SORBS2: variants seen among roughly 807,000 people sequenced by gnomAD.
The protein encoded by SORBS2 is sorbin and SH3 domain-containing protein 2.
SORBS2 carries 46 observed loss-of-function variants against 97.7 expected under a neutral mutation model. That is an observed-to-expected ratio of 0.47 (90% CI 0.37 to 0.60). The LOEUF is 0.60. SORBS2 is among the 20% of genes least tolerant of loss of function. The pLI, the probability that SORBS2 is intolerant of heterozygous loss-of-function variation, is 0.00. For missense variants in SORBS2, 1,316 were observed against 1,282.3 expected, an observed-to-expected ratio of 1.03 and a Z score of -0.40; for synonymous variants, 476 against 473.4, an observed-to-expected ratio of 1.01 and a Z score of -0.07.
chr4:185,780,509 C>T (rs1302725212), intron 1 of SORBS2, among the ~76,000 whole-genome samples: 3 of 152,128 alleles, frequency 2.0e-5, no homozygotes, highest in Non-Finnish European at 2.9e-5. Flanking sequence ...AAAGCCCATA[C>T]ATTGAGTGAC....
chr4:185,818,335 G>A (rs2099194576), intron 1 of SORBS2, among the ~76,000 whole-genome samples: 1 of 151,954 alleles, frequency 6.6e-6, no homozygotes, highest in African/African-American at 2.4e-5. Context: ...GATTACAGGT[G>A]TCCGCCACCA....
At chr4:185,939,423 G>T (rs1413122452) in intron 1 of SORBS2, among the ~76,000 whole-genome samples, 2 of 152,010 alleles carry the variant, frequency 1.3e-5, no homozygotes, top group African/African-American at 2.4e-5. Context: ...GTGTTCTTTG[G>T]CCCACGTCCC....
At chr4:185,774,346 A>G (rs2153628315) in intron 2 of SORBS2, 1 of 152,310 alleles carries the variant, frequency 6.6e-6, no homozygotes, top group South Asian at 2.1e-4. Flanking sequence ...GAAATCTAAG[A>G]CAGATCAGTG....
intron 2 of SORBS2, among the ~76,000 whole-genome samples, chr4:185,685,433 GTTAGTT>G (rs1474912827): frequency 1.3e-5 from 2 of 152,208 alleles, no homozygotes; most frequent in African/African-American, 2.4e-5. Context: ...TGTAGTTAGT[GTTAGTT>G]ATGCAAATAA....
At chr4:185,644,619 C>T (rs1003660389) in intron 4 of SORBS2, among the ~76,000 whole-genome samples, 15 of 152,152 alleles carry the variant, frequency 9.9e-5, no homozygotes, top group Non-Finnish European at 1.5e-4. Flanking sequence ...ATGTGTGTTT[C>T]AGTCTCTTCA....
rs748356837 is a variant in SORBS2, at chr4:185,879,127, TCGCC to T, written c.-338+77065_-338+77068del. ...ATGTTGGTGTGCTGCACCCATTAACTCGCCATTTACATTAGGTATATCTCCTAAT... is the reference window on the plus strand; with the variant it reads ...ATGTTGGTGTGCTGCACCCATTAACTATTTACATTAGGTATATCTCCTAAT... On this transcript the variant is annotated intron_variant, in intron 1 of 20. Coordinates refer to the SORBS2 transcript ENST00000284776. Among the ~76,000 whole-genome samples, 1,095 of 141,578 alleles carry T rather than the reference TCGCC, an allele frequency of 7.7e-3. 9 individuals are homozygous for T. Among genetic ancestry groups the T allele is most frequent in the Non-Finnish European group, 0.012 (781 of 66,780 alleles). The allele number at this position is 141,578 out of a possible 152,430, so 92.9% of individuals were successfully genotyped here. A position where few individuals can be genotyped will look rare whatever the true frequency, so the allele number is the denominator to read the frequency against.
chr4:185,681,439 A>G (rs1485401202), intron 2 of SORBS2, among the ~76,000 whole-genome samples: 1 of 151,392 alleles, frequency 6.6e-6, no homozygotes, highest in East Asian at 1.9e-4. Flanking sequence ...ATGGCTTGGC[A>G]GATGTGTGGG....
intron 12 of SORBS2, among the ~76,000 whole-genome samples, chr4:185,602,806 T>C (rs1008978720): frequency 6.6e-6 from 1 of 152,220 alleles, no homozygotes; most frequent in Non-Finnish European, 1.5e-5. Context: ...AATTACGAGT[T>C]GATTCAATTT....
At chr4:185,695,780 C>T (rs1322808930) in intron 2 of SORBS2, among the ~76,000 whole-genome samples, 4 of 152,144 alleles carry the variant, frequency 2.6e-5, no homozygotes. Context: ...TTATCTTCAC[C>T]TATCTTTCCT....
At chr4:185,922,205 T>C (rs940080079) in intron 1 of SORBS2, among the ~76,000 whole-genome samples, 2 of 152,348 alleles carry the variant, frequency 1.3e-5, no homozygotes, top group Admixed American at 6.5e-5. Context: ...TCTTCTACTG[T>C]AAAAAATAAT....
chr4:185,821,751 G>A (rs1333978678), intron 1 of SORBS2, among the ~76,000 whole-genome samples: 1 of 152,216 alleles, frequency 6.6e-6, no homozygotes, highest in Non-Finnish European at 1.5e-5. Flanking sequence ...AAAGAACACA[G>A]ATGTGATCAT....
At position 185,650,770 on chromosome 4, in the gene SORBS2, T is replaced by C. The variant is rs181348907; in HGVS notation, c.92-1114A>G. On this transcript the variant is annotated intron_variant, in intron 2 of 14. Transcript: ENST00000418609. ...AGCTAAATAAAGGAGGTGAGTTTGG[T>C]GGGCGTGGGAGCAGGGATGAAATTA... is the stretch of plus-strand genomic sequence containing the variant. Among the ~76,000 whole-genome samples, 132 of 152,042 alleles carry C rather than the reference T, an allele frequency of 8.7e-4. 1 individual carries two copies. Among genetic ancestry groups the C allele is most frequent in the African/African-American group, 3.0e-3 (125 of 41,480 alleles).
intron 2 of SORBS2, among the ~76,000 whole-genome samples, chr4:185,746,670 G>A (rs1327863284): frequency 6.6e-6 from 1 of 152,144 alleles, no homozygotes; most frequent in Non-Finnish European, 1.5e-5. Context: ...CCCAGACCAG[G>A]CCAAGTTAGG....
At chr4:185,793,936 C>T (rs775669267) in intron 1 of SORBS2, among the ~76,000 whole-genome samples, 103 of 152,216 alleles carry the variant, frequency 6.8e-4, no homozygotes, top group Non-Finnish European at 9.4e-4. Flanking sequence ...GCCTTGGTCC[C>T]CGCAGGCTCC....
chr4:185,786,500 G>A (rs1402543402), intron 1 of SORBS2, among the ~76,000 whole-genome samples: 2 of 152,188 alleles, frequency 1.3e-5, no homozygotes, highest in Non-Finnish European at 2.9e-5. Flanking sequence ...TATAATGAAT[G>A]GTAATTGAAG....
intron 13 of SORBS2, among the ~76,000 whole-genome samples, chr4:185,591,245 C>T (rs896292552): frequency 2.6e-5 from 4 of 152,172 alleles, no homozygotes; most frequent in Non-Finnish European, 4.4e-5. Context: ...GGCCTGGCAC[C>T]AAAGCCTGAA....
chr4:185,612,248 A>G (rs1420716537), intron 11 of SORBS2, among the ~76,000 whole-genome samples: 1 of 152,202 alleles, frequency 6.6e-6, no homozygotes, highest in African/African-American at 2.4e-5. Context: ...ATACTTGTTT[A>G]TGCTGGTATT....
intron 2 of SORBS2, chr4:185,772,472 A>G (rs1340120937): frequency 6.6e-6 from 1 of 152,238 alleles, no homozygotes; most frequent in East Asian, 1.9e-4. Flanking sequence ...TGTCAAGCGG[A>G]TAGACCTGGA....
chr4:185,690,072 A>G (rs2098063350), intron 2 of SORBS2, among the ~76,000 whole-genome samples: 1 of 152,214 alleles, frequency 6.6e-6, no homozygotes, highest in South Asian at 2.1e-4. Flanking sequence ...TACTACTCTC[A>G]CATCTACACA....
Sources: gnomAD v4.1 joint callset for allele counts (sites outside exome capture counted in the v4.1 genomes callset) on GRCh38, gnomAD v4.1.1 for gene constraint, MANE v1.5 for transcripts, NCBI Gene and HGNC (gene_info 2026-07-23, HGNC 2026-07-21) for gene names.